Variants in ECE2 observed in about 807,000 individuals in gnomAD.
ECE2 encodes the protein endothelin converting enzyme 2, also known as endothelin-converting enzyme 2.
In ECE2, 81 loss-of-function variants were observed where a neutral mutation model predicts 100.6. The observed-to-expected ratio is 0.81, with a 90% CI of 0.67 to 0.97. ECE2 has a LOEUF of 0.97. Ranked by LOEUF, ECE2 falls within the 50% of genes least tolerant of loss-of-function variation. The pLI is 0.00. For synonymous variants in ECE2, 391 were observed against 391.5 expected, an observed-to-expected ratio of 1.00 and a Z score of 0.02; for missense variants, 911 against 988.1, an observed-to-expected ratio of 0.92 and a Z score of 1.05.
At position 184,276,522 on chromosome 3, in the gene ECE2, AC is replaced by A. The variant is rs780122559; in HGVS notation, c.84del (p.Glu29ArgfsTer4). The A allele has an allele frequency of 3.0e-5, 48 of 1,611,160 alleles. No individual in the cohort carries two copies. The African/African-American group carries it at 6.0e-4, about 20-fold the overall frequency. ...GGGCCACGCTTCGGGATGAAGACGC[AC>A]CCGAGACCCCCGTAGAGGGCGGGGC... ...KRATLRDEDA[P>X]ETPVEGGASP... On this transcript the variant is annotated frameshift_variant, in exon 2 of 19. Transcript: ENST00000404464. LOFTEE classifies it high-confidence loss of function.
intron 2 of ECE2, 121 bp downstream of exon 2, chr3:184,276,688 C>A: frequency 6.4e-7 from 1 of 1,551,458 alleles, no homozygotes; most frequent in Non-Finnish European, 8.7e-7. Flanking sequence ...CATCTCTGGC[C>A]TCTGCTCTAG....
chr3:184,290,970 G>A, intron 16 of ECE2, 70 bp from the exon 17 acceptor site: 2 of 1,576,176 alleles, frequency 1.3e-6, no homozygotes, highest in Non-Finnish European at 1.7e-6. Context: ...GACCAGGGCT[G>A]GTGGGGGCAC....
chr3:184,285,025 G>C lies in ECE2; in HGVS notation c.1068G>C (p.Leu356Phe). ...FLSFLLSPLELSDSEPVVVYG... is the reference protein window; with the variant it reads ...FLSFLLSPLEFSDSEPVVVYG... ...CTTTCTTGCTGTCACCATTGGAGTT[G>C]AGTGACTCTGAGCCTGTGGTGGTGT... The change falls in exon 9 of 19, where the codon TTG (leucine) becomes TTC (phenylalanine). Residue 356 changes from leucine (L) to phenylalanine (F), a missense_variant. By Grantham distance (22) the Leu-to-Phe change is conservative. Coordinates refer to ENST00000404464, the MANE Select transcript of ECE2 (RefSeq NM_001100121.2). The C allele has an allele frequency of 6.2e-7, 1 of 1,614,192 alleles. No homozygotes were observed. Among genetic ancestry groups the C allele is most frequent in the Non-Finnish European group, 8.5e-7 (1 of 1,180,040 alleles).
intron 10 of ECE2, among the ~76,000 whole-genome samples, chr3:184,286,731 A>C (rs1023559736): frequency 5.6e-5 from 8 of 141,694 alleles, no homozygotes; most frequent in African/African-American, 2.1e-4. Flanking sequence ...TTAAACCTGG[A>C]GGTTGCAGTG....
chr3:184,276,268 G>T, intron 1 of ECE2, 76 bp downstream of exon 1: 1 of 1,429,332 alleles, frequency 7.0e-7, no homozygotes, highest in Non-Finnish European at 9.2e-7. Context: ...CCGCGGAGGG[G>T]CAGGCGGTGC....
At position 184,289,715 on chromosome 3, in the gene ECE2, CG is replaced by C. The variant is rs773004214; in HGVS notation, c.1551+1del. On this transcript the variant is annotated frameshift_variant and splice_region_variant, in exon 13 of 19. Coordinates refer to ENST00000404464, the MANE Select transcript of ECE2 (RefSeq NM_001100121.2). LOFTEE classifies it high-confidence loss of function. The surrounding 1 kb of genome is among the most constrained non-coding windows in gnomAD (Gnocchi z 4.1). ...EPKELDDVYD[G>X]YEISEDSFFQ... ...CCAAAGAGCTGGATGATGTTTATGACGGGGTGAGTACCTACGCTCATCAGTA... is the reference window on the plus strand; with the variant it reads ...CCAAAGAGCTGGATGATGTTTATGACGGGTGAGTACCTACGCTCATCAGTA... The C allele has an allele frequency of 6.2e-7, 1 of 1,611,364 alleles. No homozygotes were observed. Among genetic ancestry groups the C allele is most frequent in the East Asian group, 2.2e-5 (1 of 44,880 alleles).
Position 184,291,586 on chromosome 3 carries a change from GC to G in ECE2, c.2121+150del. The G allele has an allele frequency of 1.3e-6, 1 of 788,302 alleles. No homozygotes were observed. Among genetic ancestry groups the G allele is most frequent in the Non-Finnish European group, 1.9e-6 (1 of 519,768 alleles). 48.8% of individuals were successfully genotyped at this position (788,302 alleles called of 1,614,324 possible). A position where few individuals can be genotyped will look rare whatever the true frequency, so the allele number is the denominator to read the frequency against. ...TGAAAGGTGGGCTGGGAAGGCCCAT[GC>G]CCAGAGCCTCCGGCCAGCCAGGGCC... is the stretch of plus-strand genomic sequence containing the variant. On this transcript the variant is annotated intron_variant, in intron 18 of 18. Coordinates refer to ENST00000404464, the MANE Select transcript of ECE2 (RefSeq NM_001100121.2). This position sits in a 1 kb window ranked among gnomAD's most constrained non-coding sequence, Gnocchi z 4.1.
rs1443491946 is a variant in ECE2 at position 184,292,292 on chromosome 3, T to C, written c.*54T>C. 1 of 1,600,656 alleles carries C rather than the reference T, an allele frequency of 6.2e-7. No homozygotes were observed. On this transcript the variant is annotated 3_prime_UTR_variant, in exon 19 of 19. Coordinates refer to ENST00000404464, the MANE Select transcript of ECE2 (RefSeq NM_001100121.2). ...GTCACCAGACCTGGGGCAGCTCTCC[T>C]GACAAAGCTGTTTGCTCTTGGGTTG... is the stretch of plus-strand genomic sequence containing the variant.
At chr3:184,278,651 A>G in intron 7 of ECE2, 94 bp downstream of exon 7, 1 of 1,368,666 alleles carries the variant, frequency 7.3e-7, no homozygotes, top group Admixed American at 1.8e-5. Context: ...AGAGCAGGGA[A>G]GGTGAGCCTA....
chr3:184,283,423 G>T (rs559734908), intron 7 of ECE2, among the ~76,000 whole-genome samples: 6 of 151,474 alleles, frequency 4.0e-5, no homozygotes, highest in Non-Finnish European at 7.4e-5. Context: ...TTAGCCAGGC[G>T]TGGTGGCACA....
At position 184,289,407 on chromosome 3, in the gene ECE2, G is replaced by T; in HGVS notation, c.1375-30G>T. 6.4e-7 allele frequency: 1 copy of T among 1,568,586 alleles called. No individual in the cohort carries two copies. On this transcript the variant is annotated intron_variant, in intron 11 of 18. Transcript: ENST00000404464. This position sits in a 1 kb window ranked among gnomAD's most constrained non-coding sequence, Gnocchi z 4.1. ...GGGGCAGGGATGCATTCAGTGCAGGGGAAGGCTGACTTTACCTCCTCCCTC... is the reference window on the plus strand; with the variant it reads ...GGGGCAGGGATGCATTCAGTGCAGGTGAAGGCTGACTTTACCTCCTCCCTC...
rs1720650423 is a variant in ECE2, at chr3:184,278,156, T to C, written c.604-11T>C. Reference sequence around the variant, plus strand: ...CCTGCACTAATCATTCCACTTATGGTCTCTACATAGATTGGTGGTTGGAAC... The same window carrying C: ...CCTGCACTAATCATTCCACTTATGGCCTCTACATAGATTGGTGGTTGGAAC... On this transcript the variant is annotated splice_polypyrimidine_tract_variant and intron_variant, in intron 5 of 18. Transcript: ENST00000404464. The C allele has an allele frequency of 4.3e-6, 7 of 1,613,944 alleles. No individual in the cohort carries two copies. The highest frequency in any genetic ancestry group is 5.9e-6 in the Non-Finnish European group (7 of 1,179,976).
Position 184,289,821 on chromosome 3 carries a change from G to A in ECE2, c.1551+103G>A, listed in dbSNP as rs367894036. ...AAGCACTGGGAAAGAGGTGCTTGTC[G>A]GTTTCTTTTAGAGGCAGATGGAGGT... On this transcript the variant is annotated intron_variant, in intron 13 of 18. Transcript: ENST00000404464. This position sits in a 1 kb window ranked among gnomAD's most constrained non-coding sequence, Gnocchi z 4.1. 32 of 1,099,988 alleles carry A rather than the reference G, an allele frequency of 2.9e-5. No individual in the cohort carries two copies. The highest frequency in any genetic ancestry group is 1.9e-4 in the East Asian group (8 of 41,228). 68.1% of individuals were successfully genotyped at this position (1,099,988 alleles called of 1,614,324 possible). A position where few individuals can be genotyped will look rare whatever the true frequency, so the allele number is the denominator to read the frequency against.
chr3:184,287,743 G>C (rs1360851315), intron 10 of ECE2, 94 bp from the exon 11 acceptor site: 3 of 1,112,132 alleles, frequency 2.7e-6, no homozygotes, highest in Non-Finnish European at 4.0e-6. Context: ...CTTGTCCAGA[G>C]CTGAGAAGGG....
chr3:184,286,208 C>A (rs1266625679), intron 10 of ECE2, among the ~76,000 whole-genome samples: 1 of 151,996 alleles, frequency 6.6e-6, no homozygotes, highest in Non-Finnish European at 1.5e-5. Context: ...ACGGCATGTG[C>A]AAATTCCTAG....
intron 14 of ECE2, 77 bp from the exon 15 acceptor site, chr3:184,290,480 A>G: frequency 1.5e-5 from 23 of 1,560,198 alleles, no homozygotes; most frequent in Non-Finnish European, 2.0e-5. Context: ...CCCTTGCAGG[A>G]GGTAGGGCAG....
intron 2 of ECE2, 158 bp downstream of exon 2, chr3:184,276,725 T>A (rs1560180194): frequency 1.3e-6 from 2 of 1,543,166 alleles, no homozygotes; most frequent in African/African-American, 2.7e-5. Flanking sequence ...TGCTAAGCCG[T>A]GACGTTGCAC....
chr3:184,289,399 A>T lies in ECE2; in HGVS notation c.1375-38A>T, dbSNP rs926779250. On this transcript the variant is annotated intron_variant, in intron 11 of 18. Coordinates refer to ENST00000404464, the MANE Select transcript of ECE2 (RefSeq NM_001100121.2). The surrounding 1 kb of genome is among the most constrained non-coding windows in gnomAD (Gnocchi z 4.1). ...GGATGGGTGGGGCAGGGATGCATTC[A>T]GTGCAGGGGAAGGCTGACTTTACCT... 2 of 1,554,476 alleles carry T rather than the reference A, an allele frequency of 1.3e-6. No individual in the cohort carries two copies. Among genetic ancestry groups the T allele is most frequent in the East Asian group, 4.8e-5 (2 of 42,016 alleles).
chr3:184,291,956 G>A lies in ECE2; in HGVS notation c.2122-106G>A. 2 of 1,334,374 alleles carry A rather than the reference G, an allele frequency of 1.5e-6. No homozygotes were observed. The highest frequency in any genetic ancestry group is 2.1e-6 in the Non-Finnish European group (2 of 970,790). The allele number at this position is 1,334,374 out of a possible 1,614,324, so 82.7% of individuals were successfully genotyped here. A position where few individuals can be genotyped will look rare whatever the true frequency, so the allele number is the denominator to read the frequency against. Reference sequence around the variant, plus strand: ...GGGCAGTTTTGGAAGGAACTTGGGAGGGGCTGCAGCGGTGGTGGTTTGTGC... The same window carrying A: ...GGGCAGTTTTGGAAGGAACTTGGGAAGGGCTGCAGCGGTGGTGGTTTGTGC... On this transcript the variant is annotated intron_variant, in intron 18 of 18. Coordinates refer to ENST00000404464, the MANE Select transcript of ECE2 (RefSeq NM_001100121.2). The surrounding 1 kb of genome is among the most constrained non-coding windows in gnomAD (Gnocchi z 4.1).
Sources: gnomAD v4.1 joint callset for allele counts (sites outside exome capture counted in the v4.1 genomes callset) on GRCh38, gnomAD v4.1.1 for gene constraint, Gnocchi (gnomAD v3.1) non-coding constraint, MANE v1.5 for transcripts, NCBI Gene and HGNC (gene_info 2026-07-23, HGNC 2026-07-21) for gene names.